Variants in MS4A4E observed in about 807,000 individuals in gnomAD.
The protein encoded by MS4A4E is putative membrane-spanning 4-domains subfamily A member 4E.
A neutral mutation model predicts 13.3 loss-of-function variants in MS4A4E; 23 were observed. The ratio of observed to expected loss-of-function variants is 1.73; its 90% CI spans 1.25 to 2.45. The LOEUF (loss-of-function observed/expected upper bound fraction) is 2.45. Among genes scored for constraint, MS4A4E ranks in the 30% most tolerant of loss-of-function variants. The pLI, the probability that MS4A4E is intolerant of heterozygous loss-of-function variation, is 0.00. For missense variants in MS4A4E, 144 were observed against 131.2 expected (o/e 1.10, Z -0.48); for synonymous variants, 36 against 45.6 (o/e 0.79, Z 0.85).
intron 8 of MS4A4E, among the ~76,000 whole-genome samples, chr11:60,203,081 A>G (rs1256752187): frequency 6.6e-6 from 1 of 152,244 alleles, no homozygotes; most frequent in Non-Finnish European, 1.5e-5. Flanking sequence ...TTTAAAAATC[A>G]GAATTCTGTG....
chr11:60,234,747 T>C (rs1425947893), intron 1 of MS4A4E, among the ~76,000 whole-genome samples: 1 of 150,400 alleles, frequency 6.6e-6, no homozygotes, highest in Non-Finnish European at 1.5e-5. Context: ...AGACAAGAGA[T>C]GAAGAAATAA....
intron 1 of MS4A4E, among the ~76,000 whole-genome samples, chr11:60,230,890 C>G (rs898094881): frequency 2.0e-5 from 3 of 151,984 alleles, no homozygotes; most frequent in African/African-American, 7.3e-5. Context: ...GTGAAGCTTG[C>G]TAATATCCTT....
intron 3 of MS4A4E, among the ~76,000 whole-genome samples, chr11:60,221,728 G>T (rs1215738828): frequency 6.6e-6 from 1 of 152,238 alleles, no homozygotes; most frequent in Non-Finnish European, 1.5e-5. Context: ...CTTGGAAGAA[G>T]CATGATAGGA....
At chr11:60,234,990 G>T (rs2084465210) in intron 1 of MS4A4E, among the ~76,000 whole-genome samples, 1 of 152,054 alleles carries the variant, frequency 6.6e-6, no homozygotes, top group Non-Finnish European at 1.5e-5. Context: ...GTAGTCAAAG[G>T]AGAAGGACTG....
At chr11:60,240,187 A>G (rs780440834) in intron 1 of MS4A4E, among the ~76,000 whole-genome samples, 1 of 152,222 alleles carries the variant, frequency 6.6e-6, no homozygotes, top group Non-Finnish European at 1.5e-5. Flanking sequence ...ATGCGACTGC[A>G]AATGTCCTTT....
chr11:60,202,437 C>T (rs752936085), intron 8 of MS4A4E, among the ~76,000 whole-genome samples: 88 of 152,264 alleles, frequency 5.8e-4, no homozygotes, highest in Admixed American at 2.4e-3. Flanking sequence ...TGGTCAGTAG[C>T]ATTCTAAAAT....
intron 6 of MS4A4E, among the ~76,000 whole-genome samples, chr11:60,207,567 G>A (rs1004083362): frequency 6.6e-6 from 1 of 152,104 alleles, no homozygotes; most frequent in Non-Finnish European, 1.5e-5. Context: ...AGACAGAGAG[G>A]CACAAAATGA....
intron 3 of MS4A4E, among the ~76,000 whole-genome samples, chr11:60,221,802 C>T (rs1036311017): frequency 1.3e-5 from 2 of 152,214 alleles, no homozygotes; most frequent in African/African-American, 2.4e-5. Flanking sequence ...TGGTCAAAAA[C>T]TGTGAAGATA....
intron 3 of MS4A4E, among the ~76,000 whole-genome samples, chr11:60,220,844 G>A (rs879498145): frequency 1.2e-4 from 19 of 152,142 alleles, no homozygotes; most frequent in African/African-American, 1.7e-4. Flanking sequence ...CCACACATTC[G>A]TTACCTGGGG....
intron 3 of MS4A4E, among the ~76,000 whole-genome samples, chr11:60,219,787 C>T (rs1056451212): frequency 6.6e-6 from 1 of 152,188 alleles, no homozygotes; most frequent in Non-Finnish European, 1.5e-5. Context: ...AACTACTGGA[C>T]ACTGACTCTG....
intron 3 of MS4A4E, among the ~76,000 whole-genome samples, chr11:60,223,173 C>T (rs145617910): frequency 0.013 from 1,970 of 152,188 alleles, 43 homozygotes; most frequent in African/African-American, 0.044. Flanking sequence ...AAATGAAGAC[C>T]GTAATTGTCA....
intron 3 of MS4A4E, among the ~76,000 whole-genome samples, chr11:60,227,413 T>C (rs967566482): frequency 1.3e-5 from 2 of 152,022 alleles, no homozygotes; most frequent in Admixed American, 6.5e-5. Context: ...TAGCCAGGCA[T>C]AGTGGCAGGC....
intron 3 of MS4A4E, among the ~76,000 whole-genome samples, chr11:60,227,108 C>A (rs1398265649): frequency 1.5e-5 from 2 of 131,392 alleles, no homozygotes; most frequent in Admixed American, 8.5e-5. Flanking sequence ...AAACTATGTA[C>A]AAAATCTATA....
chr11:60,205,660 G>A (rs935118556), intron 7 of MS4A4E, among the ~76,000 whole-genome samples, 54 bp downstream of exon 7: 2 of 152,108 alleles, frequency 1.3e-5, no homozygotes, highest in Non-Finnish European at 2.9e-5. Flanking sequence ...AACAAAGATG[G>A]GATAGCAAGA....
intron 1 of MS4A4E, among the ~76,000 whole-genome samples, chr11:60,238,067 C>T (rs1460045878): frequency 2.7e-5 from 4 of 150,382 alleles, no homozygotes; most frequent in Admixed American, 1.3e-4. Flanking sequence ...TACATGTTGC[C>T]GAATTCTGCT....
At chr11:60,223,075 G>A (rs1425041254) in intron 3 of MS4A4E, among the ~76,000 whole-genome samples, 1 of 152,076 alleles carries the variant, frequency 6.6e-6, no homozygotes, top group Non-Finnish European at 1.5e-5. Flanking sequence ...AACCTGCTGA[G>A]GTGCTTCCTG....
At position 60,243,010 on chromosome 11, in the gene MS4A4E, G is replaced by T; in HGVS notation, c.-69C>A. The stretch of plus-strand genomic sequence containing the variant: ...CAGGTCTGATGAGTGCAGGGCTCTG[G>T]GCAAGTTCCTCAAAGTTCTTTGTTC... On this transcript the variant is annotated 5_prime_UTR_variant, in exon 1 of 9. Transcript: ENST00000651255. The T allele has an allele frequency of 1.3e-6, 2 of 1,540,518 alleles. No individual in the cohort carries two copies. The highest frequency in any genetic ancestry group is 2.2e-4 in the Middle Eastern group (1 of 4,486).
intron 3 of MS4A4E, among the ~76,000 whole-genome samples, chr11:60,221,208 C>T (rs148598177): frequency 4.0e-4 from 61 of 152,050 alleles, no homozygotes; most frequent in East Asian, 1.2e-3. Context: ...AGTCACCATG[C>T]GACCTGAACT....
chr11:60,241,050 G>A (rs534711048), intron 1 of MS4A4E, among the ~76,000 whole-genome samples: 1 of 152,144 alleles, frequency 6.6e-6, no homozygotes, highest in Admixed American at 6.5e-5. Context: ...TTGAGGCGGA[G>A]TCTCGCTCTG....
Sources: gnomAD v4.1 joint callset for allele counts (sites outside exome capture counted in the v4.1 genomes callset) on GRCh38, gnomAD v4.1.1 for gene constraint, MANE v1.5 for transcripts, NCBI Gene and HGNC (gene_info 2026-07-23, HGNC 2026-07-21) for gene names.